Variants in PP2D1 observed in about 807,000 individuals in gnomAD.
The protein encoded by PP2D1 is protein phosphatase 2C like domain containing 1.
In PP2D1, 25 loss-of-function variants were observed where a neutral mutation model predicts 30.2. The observed-to-expected ratio is 0.83, with a 90% CI of 0.60 to 1.16. The LOEUF is 1.16. Among genes scored for constraint, PP2D1 ranks in the 50% most tolerant of loss-of-function variants. The pLI, the probability that PP2D1 is intolerant of heterozygous loss-of-function variation, is 0.00. For missense variants in PP2D1, 760 were observed against 742.4 expected (o/e 1.02, Z -0.28); for synonymous variants, 260 against 258.9 (o/e 1.00, Z -0.04).
At chr3:19,983,729 A>C, downstream of PP2D1, 1 of 1,610,950 alleles carries the variant, frequency 6.2e-7, no homozygotes, top group Non-Finnish European at 8.5e-7. Flanking sequence ...CCAAAGAATG[A>C]ACCACAAAAT....
chr3:19,988,044 C>T (rs111785660), intron 2 of PP2D1, among the ~76,000 whole-genome samples: 16,475 of 152,110 alleles, frequency 0.11, 983 homozygotes, highest in Middle Eastern at 0.2. Context: ...TATGTCGCTT[C>T]AGGACCCTGT....
intron 2 of PP2D1, among the ~76,000 whole-genome samples, chr3:20,000,083 C>T (rs1559498754): frequency 1.3e-5 from 2 of 152,278 alleles, no homozygotes; most frequent in Admixed American, 6.5e-5. Flanking sequence ...GTCCCACTCG[C>T]GGAGGCCCAG....
intron 2 of PP2D1, among the ~76,000 whole-genome samples, chr3:19,986,636 A>G (rs563727994): frequency 1.8e-4 from 28 of 152,348 alleles, no homozygotes; most frequent in African/African-American, 6.3e-4. Context: ...TGTAACCAGT[A>G]CAAGTTAAAA....
chr3:19,991,778 A>G (rs1199486580), intron 2 of PP2D1, among the ~76,000 whole-genome samples: 2 of 152,196 alleles, frequency 1.3e-5, no homozygotes, highest in African/African-American at 4.8e-5. Context: ...GTGTTCCAAG[A>G]AGAGAAAAGC....
chr3:20,000,141 G>T (rs1697233699), intron 2 of PP2D1, among the ~76,000 whole-genome samples: 1 of 152,148 alleles, frequency 6.6e-6, no homozygotes, highest in Admixed American at 6.5e-5. Context: ...ACATGATATG[G>T]TAGGACTGAT....
At chr3:19,990,871 G>A (rs765287468) in intron 2 of PP2D1, among the ~76,000 whole-genome samples, 1 of 151,588 alleles carries the variant, frequency 6.6e-6, no homozygotes, top group Non-Finnish European at 1.5e-5. Context: ...TGTCCACATA[G>A]TCTGGAGAAG....
At chr3:20,008,791 C>G (rs1697353510) in intron 1 of PP2D1, among the ~76,000 whole-genome samples, 1 of 152,116 alleles carries the variant, frequency 6.6e-6, no homozygotes, top group Non-Finnish European at 1.5e-5. Context: ...TAACCTCAAT[C>G]AAGTCATTTA....
downstream of PP2D1, chr3:19,983,828 C>T: frequency 6.5e-7 from 1 of 1,536,012 alleles, no homozygotes; most frequent in Non-Finnish European, 9.0e-7. Context: ...AACTAAACCT[C>T]TAGTTTGAAC....
chr3:19,995,467 G>A (rs1258559370), intron 2 of PP2D1, among the ~76,000 whole-genome samples: 1 of 152,206 alleles, frequency 6.6e-6, no homozygotes, highest in African/African-American at 2.4e-5. Context: ...CCCTAGAAGA[G>A]GCATGGCCCT....
chr3:19,984,262 A>T, downstream of PP2D1: 1 of 430,994 alleles, frequency 2.3e-6, no homozygotes, highest in Non-Finnish European at 4.5e-6. Context: ...ATGCTTAGCC[A>T]TAGTATTCAG....
rs546716751 is a variant in PP2D1 at position 20,001,486 on chromosome 3, C to T, written c.634G>A (p.Gly212Ser). 108 of 1,536,020 alleles carry T rather than the reference C, an allele frequency of 7.0e-5. No individual in the cohort carries two copies. The highest frequency in any genetic ancestry group is 5.0e-4 in the Middle Eastern group (3 of 6,014). The change falls in exon 2 of 3, where the codon GGT becomes AGT. Residue 212 changes from glycine (G) to serine (S), a missense_variant. By Grantham distance (56) the Gly-to-Ser change is moderately conservative (BLOSUM62 0). Around this residue, in one of 3 missense-constraint regions of PP2D1, gnomAD observed 374 missense variants for 388.8 expected, o/e 0.96. Transcript: ENST00000389050. ...CFFGLFDGHH[G>S]ASAAELTSME... ...GATGTCAACTCTGCCGCTGAGGCAC[C>T]GTGATGTCCATCAAACAAACCAAAA...
chr3:19,994,822 G>A (rs978934958), intron 2 of PP2D1, among the ~76,000 whole-genome samples: 4 of 152,142 alleles, frequency 2.6e-5, no homozygotes, highest in Non-Finnish European at 5.9e-5. Flanking sequence ...TTTCTCAAGT[G>A]AGTCTTTCTC....
At chr3:20,008,679 AG>A (rs1364755646) in intron 1 of PP2D1, among the ~76,000 whole-genome samples, 7 of 152,296 alleles carry the variant, frequency 4.6e-5, no homozygotes, top group Admixed American at 3.9e-4. Flanking sequence ...TGAGCCCAGG[AG>A]GTTGAGGCTG....
chr3:19,981,152 A>G (rs1383470259), downstream of PP2D1, among the ~76,000 whole-genome samples: 1 of 152,226 alleles, frequency 6.6e-6, no homozygotes, highest in Non-Finnish European at 1.5e-5. Flanking sequence ...AAATGAATTT[A>G]GCACATCAAG....
intron 2 of PP2D1, among the ~76,000 whole-genome samples, chr3:19,988,411 TGAG>T (rs1018003648): frequency 6.5e-4 from 99 of 152,270 alleles, no homozygotes; most frequent in African/African-American, 2.3e-3. Context: ...CCTTTTAGGA[TGAG>T]GAAATTCCCG....
intron 2 of PP2D1, among the ~76,000 whole-genome samples, chr3:20,000,565 T>C (rs560378760): frequency 7.4e-4 from 112 of 152,316 alleles, no homozygotes; most frequent in Middle Eastern, 3.4e-3. Context: ...TGAGATGAAA[T>C]AGATGCTACT....
At position 19,986,188 on chromosome 3, in the gene PP2D1, A is replaced by C; in HGVS notation, c.1091-6T>G. The stretch of plus-strand genomic sequence containing the variant: ...TAAGACTGCTTGCACATTACCTAAA[A>C]GATTATTTTTTAAAAGAAGAAATTT... On this transcript the variant is annotated splice_region_variant and splice_polypyrimidine_tract_variant and intron_variant, in intron 2 of 2. Coordinates refer to ENST00000389050, the MANE Select transcript of PP2D1 (RefSeq NM_001252657.2). 6.9e-7 allele frequency: 1 copy of C among 1,454,004 alleles called. No individual in the cohort carries two copies. The highest frequency in any genetic ancestry group is 1.4e-5 in the African/African-American group (1 of 69,868). 90.1% of individuals were successfully genotyped at this position (1,454,004 alleles called of 1,614,324 possible).
chr3:20,002,359 A>G (rs1023552733), intron 1 of PP2D1, among the ~76,000 whole-genome samples: 2 of 152,212 alleles, frequency 1.3e-5, no homozygotes, highest in African/African-American at 4.8e-5. Context: ...TCAGCACAGT[A>G]TTTTACCTTA....
chr3:20,008,059 A>C (rs1403863617), intron 1 of PP2D1: 1 of 165,314 alleles, frequency 6.0e-6, no homozygotes, highest in Non-Finnish European at 1.4e-5. Flanking sequence ...TACTAAGCTC[A>C]GTTCTTTCAA....
Sources: allele counts gnomAD v4.1 joint callset (sites outside exome capture counted in the v4.1 genomes callset), GRCh38; gene constraint gnomAD v4.1.1; regional missense constraint gnomAD v4.1.1; transcripts MANE v1.5; gene names NCBI Gene and HGNC (gene_info 2026-07-23, HGNC 2026-07-21).